TAFA2: variants seen among roughly 807,000 people sequenced by gnomAD.
TAFA2 encodes the protein chemokine-like protein TAFA-2.
Under a neutral mutation model 18.8 loss-of-function variants are expected in TAFA2, and 7 were observed. The ratio of observed to expected loss-of-function variants is 0.37; its 90% CI spans 0.21 to 0.70. TAFA2 has a LOEUF of 0.70. TAFA2 is among the 30% of genes least tolerant of loss of function. The pLI is 0.53. For synonymous variants in TAFA2, 60 were observed against 54.2 expected (o/e 1.11, Z -0.47); for missense variants, 122 against 158.1 (o/e 0.77, Z 1.23).
At chr12:61,825,917 T>C (rs1029098114) in intron 2 of TAFA2, among the ~76,000 whole-genome samples, 2 of 152,102 alleles carry the variant, frequency 1.3e-5, no homozygotes, top group African/African-American at 2.4e-5. Flanking sequence ...TCATTGGATC[T>C]GTAAAAATGG....
chr12:61,893,634 A>G (rs1287672719), intron 1 of TAFA2, among the ~76,000 whole-genome samples: 2 of 152,202 alleles, frequency 1.3e-5, no homozygotes, highest in Non-Finnish European at 2.9e-5. Flanking sequence ...CAGAAAGAAC[A>G]TAGTGAATAT....
intron 4 of TAFA2, among the ~76,000 whole-genome samples, chr12:61,751,335 GC>G (rs1468954394): frequency 1.3e-5 from 2 of 152,130 alleles, no homozygotes; most frequent in Admixed American, 1.3e-4. Flanking sequence ...TATTTGGAAT[GC>G]CATAGTGTTC....
intron 1 of TAFA2, among the ~76,000 whole-genome samples, chr12:62,037,017 A>AT (rs1173953409): frequency 1.2e-4 from 19 of 152,242 alleles, no homozygotes; most frequent in Admixed American, 5.9e-4. Context: ...CTTGGAAGGT[A>AT]TTTATTATGT....
At position 62,143,104 on chromosome 12, in the gene TAFA2, C is replaced by T. The variant is rs978778205; in HGVS notation, c.-2+48155G>A. Among the ~76,000 whole-genome samples the T allele has an allele frequency of 1.1e-4, 17 of 152,280 alleles. No individual in the cohort carries two copies. In the East Asian group the frequency reaches 1.9e-3, roughly 17 times the overall value. ...CAAACTTCTTTGTTTTTAAGGAGAC[C>T]TAAGCACTGGCTAAGTTTAAAATTT... On this transcript the variant is annotated intron_variant, in intron 1 of 4. Transcript: ENST00000416284.
chr12:61,859,485 C>T (rs1468984550), intron 2 of TAFA2, among the ~76,000 whole-genome samples: 1 of 150,402 alleles, frequency 6.6e-6, no homozygotes, highest in Non-Finnish European at 1.5e-5. Context: ...GCTCTGTCGC[C>T]CAGGCTGGAG....
intron 1 of TAFA2, among the ~76,000 whole-genome samples, chr12:62,110,072 T>C (rs1216132190): frequency 7.0e-6 from 1 of 142,626 alleles, no homozygotes; most frequent in East Asian, 2.3e-4. Context: ...TCAAAGGTAA[T>C]GCTCCAGCTT....
intron 1 of TAFA2, among the ~76,000 whole-genome samples, chr12:62,063,445 G>A (rs967138808): frequency 6.6e-6 from 1 of 152,052 alleles, no homozygotes; most frequent in Non-Finnish European, 1.5e-5. Context: ...TGAAGAAACA[G>A]AAATATGTAT....
chr12:61,897,439 G>T (rs768202389), intron 1 of TAFA2, among the ~76,000 whole-genome samples: 7 of 151,784 alleles, frequency 4.6e-5, no homozygotes, highest in Non-Finnish European at 7.4e-5. Context: ...TAAAAAAAAA[G>T]AAGTTTAATT....
At chr12:61,716,574 C>A (rs954836284) in intron 4 of TAFA2, among the ~76,000 whole-genome samples, 7 of 151,942 alleles carry the variant, frequency 4.6e-5, no homozygotes, top group Middle Eastern at 3.4e-3. Flanking sequence ...ATGATATTAG[C>A]TTAATTTAAA....
chr12:61,731,124 T>C (rs1015047583), intron 4 of TAFA2, among the ~76,000 whole-genome samples: 2 of 152,228 alleles, frequency 1.3e-5, no homozygotes, highest in East Asian at 1.9e-4. Context: ...CACTGCTTCT[T>C]CTACTTTCGT....
chr12:61,973,697 A>G (rs1018674850), intron 1 of TAFA2, among the ~76,000 whole-genome samples: 3 of 151,708 alleles, frequency 2.0e-5, no homozygotes, highest in Non-Finnish European at 3.0e-5. Context: ...AGAACTCCTT[A>G]AAGGAAACCT....
intron 1 of TAFA2, among the ~76,000 whole-genome samples, chr12:62,030,687 T>C (rs925736849): frequency 2.6e-5 from 4 of 152,134 alleles, no homozygotes; most frequent in African/African-American, 9.7e-5. Context: ...AATCTGAAAC[T>C]ATAGAAGACT....
At chr12:62,198,280 T>C (rs2062657218) in intron 1 of TAFA2, 1 of 152,214 alleles carries the variant, frequency 6.6e-6, no homozygotes, top group African/African-American at 2.4e-5. Context: ...CATTGATTTT[T>C]TGTTTGGCTT....
intron 1 of TAFA2, among the ~76,000 whole-genome samples, chr12:62,058,761 G>T (rs1203587996): frequency 6.6e-6 from 1 of 152,146 alleles, no homozygotes; most frequent in African/African-American, 2.4e-5. Context: ...AAGAGTTTGA[G>T]ACCAGCCTAA....
At chr12:61,937,713 A>G (rs1877829422) in intron 1 of TAFA2, among the ~76,000 whole-genome samples, 1 of 152,212 alleles carries the variant, frequency 6.6e-6, no homozygotes, top group South Asian at 2.1e-4. Flanking sequence ...CTAAAAGAAA[A>G]CTTAGAAAAA....
chr12:61,936,845 G>C (rs751927008), intron 1 of TAFA2, among the ~76,000 whole-genome samples: 1 of 151,600 alleles, frequency 6.6e-6, no homozygotes, highest in Non-Finnish European at 1.5e-5. Flanking sequence ...AGAAATGAAG[G>C]GCATCCAAAT....
intron 1 of TAFA2, among the ~76,000 whole-genome samples, chr12:61,886,116 C>T (rs1183611415): frequency 6.6e-6 from 1 of 151,650 alleles, no homozygotes; most frequent in African/African-American, 2.4e-5. Flanking sequence ...CAGAAGAAAG[C>T]ATTTTTACCA....
chr12:62,123,772 C>CCACACACACACACACACACACACACA (rs369871302), intron 1 of TAFA2, among the ~76,000 whole-genome samples: 5 of 68,986 alleles, frequency 7.2e-5, no homozygotes, highest in Admixed American at 1.5e-4. Context: ...ATCTCCCCCA[C>CCACACACACACACACACACACACACA]CACACACATA....
At chr12:62,154,294 G>A (rs753486972) in intron 1 of TAFA2, among the ~76,000 whole-genome samples, 7 of 152,132 alleles carry the variant, frequency 4.6e-5, no homozygotes, top group Non-Finnish European at 1.0e-4. Flanking sequence ...GATATATGAA[G>A]GAAGGATGGG....
Sources: gnomAD v4.1 joint callset for allele counts (sites outside exome capture counted in the v4.1 genomes callset) on GRCh38, gnomAD v4.1.1 for gene constraint, MANE v1.5 for transcripts, NCBI Gene and HGNC (gene_info 2026-07-23, HGNC 2026-07-21) for gene names.